Variants in ZNF385D observed in about 807,000 individuals in gnomAD.
ZNF385D encodes zinc finger protein 385D, also known as zinc finger protein 659.
Under a neutral mutation model 35.8 loss-of-function variants are expected in ZNF385D, and 15 were observed. That is an observed-to-expected ratio of 0.42 (90% CI 0.28 to 0.64). The LOEUF is 0.64. Among genes scored for constraint, ZNF385D ranks in the 30% least tolerant of loss-of-function variants. The pLI, the probability that ZNF385D is intolerant of heterozygous loss-of-function variation, is 0.23. For missense variants in ZNF385D, 474 were observed against 494.6 expected (o/e 0.96, Z 0.39); for synonymous variants, 212 against 186.8 (o/e 1.13, Z -1.10).
At chr3:22,093,218 T>C (rs1701422283) in intron 3 of ZNF385D, among the ~76,000 whole-genome samples, 1 of 152,156 alleles carries the variant, frequency 6.6e-6, no homozygotes, top group African/African-American at 2.4e-5. Flanking sequence ...CTACTGACTT[T>C]ACTATTTTTA....
chr3:22,096,014 G>A (rs542574221), intron 3 of ZNF385D, among the ~76,000 whole-genome samples: 1 of 151,932 alleles, frequency 6.6e-6, no homozygotes, highest in East Asian at 1.9e-4. Flanking sequence ...GGAGATTGGA[G>A]GTTACTTTTG....
At chr3:22,078,584 G>A (rs752737041) in intron 3 of ZNF385D, among the ~76,000 whole-genome samples, 1 of 152,044 alleles carries the variant, frequency 6.6e-6, no homozygotes, top group African/African-American at 2.4e-5. Flanking sequence ...AGGCAAGGAA[G>A]TTCAACAACA....
chr3:22,006,898 A>C (rs1696244560), intron 3 of ZNF385D, among the ~76,000 whole-genome samples: 1 of 152,104 alleles, frequency 6.6e-6, no homozygotes. Flanking sequence ...ACTGTGTTTT[A>C]TAAGTCATTT....
intron 2 of ZNF385D, among the ~76,000 whole-genome samples, chr3:21,636,677 G>A (rs2065460709): frequency 6.6e-6 from 1 of 151,602 alleles, no homozygotes; most frequent in Non-Finnish European, 1.5e-5. Flanking sequence ...GATTAAGGGT[G>A]GATCTGCCTT....
At chr3:21,552,596 T>A (rs992828204) in intron 3 of ZNF385D, among the ~76,000 whole-genome samples, 3 of 152,214 alleles carry the variant, frequency 2.0e-5, no homozygotes, top group African/African-American at 7.2e-5. Flanking sequence ...GAATAGTGAA[T>A]GATATTCCAG....
chr3:21,741,817 G>A (rs2069529009), intron 1 of ZNF385D, among the ~76,000 whole-genome samples: 1 of 152,002 alleles, frequency 6.6e-6, no homozygotes, highest in Non-Finnish European at 1.5e-5. Flanking sequence ...AAAGAGTATG[G>A]GGCATGGAAT....
Position 22,321,097 on chromosome 3 carries a change from C to A in ZNF385D, c.106+51353G>T, listed in dbSNP as rs1694395106. Among the ~76,000 whole-genome samples the A allele has an allele frequency of 2.7e-5, 4 of 149,214 alleles. No homozygotes were observed. In the South Asian group the frequency reaches 8.5e-4, roughly 32 times the overall value. ...TGTACTGTCATTATTTAATATCACA[C>A]TTCATCCTGTTCAAATTTTTTAATT... On this transcript the variant is annotated intron_variant, in intron 2 of 5. Coordinates refer to the ZNF385D transcript ENST00000494108.
At chr3:21,427,726 A>G (rs1334098338) in intron 5 of ZNF385D, among the ~76,000 whole-genome samples, 2 of 152,170 alleles carry the variant, frequency 1.3e-5, no homozygotes, top group Non-Finnish European at 2.9e-5. Flanking sequence ...GAAGAATAGA[A>G]ATGGGACATA....
At chr3:21,775,947 A>G (rs1477651976) in intron 3 of ZNF385D, among the ~76,000 whole-genome samples, 1 of 151,784 alleles carries the variant, frequency 6.6e-6, no homozygotes, top group Non-Finnish European at 1.5e-5. Context: ...TTACACAAAT[A>G]CTGCTAATAG....
chr3:21,778,483 C>G (rs1232908593), intron 3 of ZNF385D, among the ~76,000 whole-genome samples: 1 of 151,656 alleles, frequency 6.6e-6, no homozygotes, highest in East Asian at 1.9e-4. Flanking sequence ...ATCGAAGCAC[C>G]CTGTAGTCTA....
rs61226426 is a variant in ZNF385D, at chr3:21,757,120, CTTTT to C, written c.326-92096_326-92093del. Among the ~76,000 whole-genome samples, 442 of 106,418 alleles carry C rather than the reference CTTTT, an allele frequency of 4.2e-3. 3 individuals carry two copies. Among genetic ancestry groups the C allele is most frequent in the Non-Finnish European group, 6.0e-3 (336 of 55,652 alleles). 69.8% of individuals were successfully genotyped at this position (106,418 alleles called of 152,430 possible). On this transcript the variant is annotated intron_variant, in intron 3 of 5. Coordinates refer to the ZNF385D transcript ENST00000494108. ...CTTTGGAGACATATGATAAATTTCT[CTTTT>C]TTTTTTTTTTTTTTTGTTTTCTTGA...
intron 4 of ZNF385D, chr3:21,443,138 G>A (rs532271328): frequency 1.0e-6 from 1 of 985,316 alleles, no homozygotes; most frequent in South Asian, 4.7e-5. Flanking sequence ...TGAGGCTGTG[G>A]AGAAATCAAG....
In ZNF385D at chr3:21,600,231, G is replaced by A. The variant is rs544235823; in HGVS notation, c.166-35547C>T. On this transcript the variant is annotated intron_variant, in intron 2 of 7. Coordinates refer to ENST00000281523, the MANE Select transcript of ZNF385D (RefSeq NM_024697.3). ...GGGCAGCTCTGTCTATGGAGTAGCC[G>A]TTCTTTCATTCCTCTACTTTCTTAA... Among the ~76,000 whole-genome samples the A allele has an allele frequency of 2.7e-4, 41 of 152,292 alleles. No individual in the cohort carries two copies. The South Asian group carries it at 2.9e-3, about 11-fold the overall frequency.
At chr3:22,095,933 A>G (rs1226739344) in intron 3 of ZNF385D, among the ~76,000 whole-genome samples, 1 of 151,952 alleles carries the variant, frequency 6.6e-6, no homozygotes, top group Non-Finnish European at 1.5e-5. Context: ...TAATGACACA[A>G]TGAACTTTTT....
chr3:22,164,116 G>C (rs1280333635), intron 3 of ZNF385D, among the ~76,000 whole-genome samples: 3 of 150,258 alleles, frequency 2.0e-5, no homozygotes, highest in Non-Finnish European at 2.9e-5. Flanking sequence ...TTAAGGTAAA[G>C]CACTAATTCG....
At chr3:22,048,766 T>C (rs1433848638) in intron 3 of ZNF385D, among the ~76,000 whole-genome samples, 1 of 152,210 alleles carries the variant, frequency 6.6e-6, no homozygotes, top group Non-Finnish European at 1.5e-5. Context: ...GGATTGTTTT[T>C]TCCATTTAAG....
rs2066911901 is a variant in ZNF385D at position 21,681,681 on chromosome 3, GAA to G, written c.23-16655_23-16654del. On this transcript the variant is annotated intron_variant, in intron 1 of 7. Coordinates refer to ENST00000281523, the MANE Select transcript of ZNF385D (RefSeq NM_024697.3). ...CATTTTCTAAAAGAATCCAGACTAA[GAA>G]TGATAAAAAAAAACGAAAAAAAAAA... Among the ~76,000 whole-genome samples, 4 of 87,508 alleles carry G rather than the reference GAA, an allele frequency of 4.6e-5. No homozygotes were observed. The South Asian group carries it at 1.4e-3, about 31-fold the overall frequency. 57.4% of individuals were successfully genotyped at this position (87,508 alleles called of 152,430 possible).
intron 2 of ZNF385D, among the ~76,000 whole-genome samples, chr3:22,336,738 T>C (rs1695174793): frequency 6.6e-6 from 1 of 151,708 alleles, no homozygotes; most frequent in African/African-American, 2.4e-5. Context: ...ATTAGTGGCA[T>C]ATTTTATACC....
intron 3 of ZNF385D, among the ~76,000 whole-genome samples, chr3:21,984,943 T>G (rs1303910918): frequency 1.3e-5 from 2 of 150,808 alleles, no homozygotes; most frequent in African/African-American, 4.8e-5. Flanking sequence ...GAATGGGAGT[T>G]CACTCATGAT....
Sources: allele counts gnomAD v4.1 joint callset (sites outside exome capture counted in the v4.1 genomes callset), GRCh38; gene constraint gnomAD v4.1.1; transcripts MANE v1.5; gene names NCBI Gene and HGNC (gene_info 2026-07-23, HGNC 2026-07-21).